The following ZNF385D variants were observed in gnomAD, a reference collection of about 807,000 sequenced individuals.
ZNF385D encodes the protein zinc finger protein 385D.
ZNF385D carries 15 observed loss-of-function variants against 35.8 expected under a neutral mutation model. That is an observed-to-expected ratio of 0.42 (90% CI 0.28 to 0.64). ZNF385D has a LOEUF of 0.64. Ranked by LOEUF, ZNF385D falls within the 30% of genes least tolerant of loss-of-function variation. The probability of loss-of-function intolerance (pLI) is 0.23; values close to 1 mark genes in which losing one functional copy is unlikely to be tolerated. For synonymous variants in ZNF385D, 212 were observed against 186.8 expected, an observed-to-expected ratio of 1.13 and a Z score of -1.10; for missense variants, 474 against 494.6, an observed-to-expected ratio of 0.96 and a Z score of 0.39.
At chr3:21,696,180 T>C (rs1188547486) in intron 1 of ZNF385D, among the ~76,000 whole-genome samples, 1 of 152,226 alleles carries the variant, frequency 6.6e-6, no homozygotes, top group African/African-American at 2.4e-5. Flanking sequence ...GACTGAGGAC[T>C]GATCAGTCAG....
At chr3:21,822,800 G>T (rs1460044900) in intron 3 of ZNF385D, among the ~76,000 whole-genome samples, 1 of 151,572 alleles carries the variant, frequency 6.6e-6, no homozygotes, top group Non-Finnish European at 1.5e-5. Flanking sequence ...CGAAAACAAT[G>T]TTGAGTGAAA....
intron 3 of ZNF385D, among the ~76,000 whole-genome samples, chr3:22,165,546 T>C (rs1706257270): frequency 6.6e-6 from 1 of 152,238 alleles, no homozygotes; most frequent in African/African-American, 2.4e-5. Context: ...TGATGGCAGT[T>C]GGCAGTATTT....
rs78345281 is a variant in ZNF385D at position 22,080,449 on chromosome 3, G to A, written c.325+88368C>T. Among the ~76,000 whole-genome samples, 360 of 152,098 alleles carry A rather than the reference G, an allele frequency of 2.4e-3. 1 individual carries two copies. The highest frequency in any genetic ancestry group is 8.4e-3 in the African/African-American group (349 of 41,508). On this transcript the variant is annotated intron_variant, in intron 3 of 5. Coordinates refer to the ZNF385D transcript ENST00000494108. ...TCTGTTTTCACCCCATATTTTGATG[G>A]AAACTCATAAGCTTTGAAGGAAACT... is the stretch of plus-strand genomic sequence containing the variant.
chr3:22,179,619 C>G (rs973472134), intron 2 of ZNF385D, among the ~76,000 whole-genome samples: 3 of 152,156 alleles, frequency 2.0e-5, no homozygotes, highest in Non-Finnish European at 4.4e-5. Context: ...ACTTCGAATA[C>G]TATGTTGAAC....
At chr3:21,635,499 T>A (rs2065401279) in intron 2 of ZNF385D, among the ~76,000 whole-genome samples, 1 of 152,076 alleles carries the variant, frequency 6.6e-6, no homozygotes, top group Admixed American at 6.6e-5. Flanking sequence ...TGGGACAGGA[T>A]TTCAGCTCAG....
intron 3 of ZNF385D, among the ~76,000 whole-genome samples, chr3:21,937,846 T>C (rs1008517787): frequency 6.6e-6 from 1 of 152,218 alleles, no homozygotes; most frequent in Non-Finnish European, 1.5e-5. Flanking sequence ...ACAATATGTA[T>C]GTAGCTTTAA....
At chr3:22,219,647 A>G (rs1698132848) in intron 2 of ZNF385D, among the ~76,000 whole-genome samples, 1 of 152,192 alleles carries the variant, frequency 6.6e-6, no homozygotes, top group African/African-American at 2.4e-5. Context: ...TCATAAAGGT[A>G]ACTGAGATAC....
intron 3 of ZNF385D, among the ~76,000 whole-genome samples, chr3:21,513,525 A>G (rs2125476508): frequency 6.6e-6 from 1 of 152,326 alleles, no homozygotes; most frequent in African/African-American, 2.4e-5. Flanking sequence ...AGCCTTTCCC[A>G]AATTAAAAAT....
chr3:21,809,203 C>T (rs1033811342), intron 3 of ZNF385D, among the ~76,000 whole-genome samples: 2 of 151,920 alleles, frequency 1.3e-5, no homozygotes, highest in African/African-American at 4.8e-5. Context: ...AATGCTCCAG[C>T]ATGCAATAAT....
intron 1 of ZNF385D, among the ~76,000 whole-genome samples, chr3:21,674,090 TG>T (rs1297769555): frequency 2.0e-5 from 3 of 152,134 alleles, no homozygotes; most frequent in African/African-American, 7.2e-5. Context: ...CGAACTTCTC[TG>T]TGCCAGTGGG....
intron 3 of ZNF385D, among the ~76,000 whole-genome samples, chr3:21,932,595 T>G (rs1336573184): frequency 6.6e-6 from 1 of 151,928 alleles, no homozygotes; most frequent in Non-Finnish European, 1.5e-5. Context: ...GACAAAAGCT[T>G]TAACAATCAA....
At chr3:21,938,230 A>C (rs1041121334) in intron 3 of ZNF385D, among the ~76,000 whole-genome samples, 2 of 152,240 alleles carry the variant, frequency 1.3e-5, no homozygotes, top group African/African-American at 4.8e-5. Flanking sequence ...TATAGTTAAC[A>C]GAAGCTTTCT....
intron 3 of ZNF385D, among the ~76,000 whole-genome samples, chr3:21,841,684 A>G (rs1695686134): frequency 6.6e-6 from 1 of 152,018 alleles, no homozygotes; most frequent in South Asian, 2.1e-4. Context: ...GTTATTAAAC[A>G]CAAGTATAAG....
chr3:21,928,291 A>AAGGAGGGAGGAAGGAAGGT (rs1222744390), intron 3 of ZNF385D, among the ~76,000 whole-genome samples: 2 of 139,638 alleles, frequency 1.4e-5, no homozygotes, highest in African/African-American at 2.6e-5. Context: ...GGAAGGAAGG[A>AAGGAGGGAGGAAGGAAGGT]AGGAGGGAGG....
intron 2 of ZNF385D, among the ~76,000 whole-genome samples, chr3:22,343,469 C>T (rs76147981): frequency 0.01 from 1,598 of 152,336 alleles, 27 homozygotes; most frequent in African/African-American, 0.036. Flanking sequence ...AACTATGCAA[C>T]AACTAATTCC....
intron 2 of ZNF385D, among the ~76,000 whole-genome samples, chr3:22,329,037 A>T (rs1223840433): frequency 1.4e-5 from 2 of 141,932 alleles, no homozygotes; most frequent in African/African-American, 2.6e-5. Flanking sequence ...AGATCGCGCC[A>T]CTGCACTCCA....
chr3:21,492,406 A>G (rs901146513), intron 4 of ZNF385D, among the ~76,000 whole-genome samples: 1 of 150,988 alleles, frequency 6.6e-6, no homozygotes, highest in Non-Finnish European at 1.5e-5. Context: ...AAACAAACAA[A>G]CAAGAAACAA....
Position 21,724,477 on chromosome 3 carries a change from C to CAAAAAA in ZNF385D, c.22+26412_22+26417dup, listed in dbSNP as rs200803155. ...AATATTTACCAAGCAAATGGAAAGC[C>CAAAAAA]AAAAAAAAAAAAAAAAAAAAAAAAA... On this transcript the variant is annotated intron_variant, in intron 1 of 7. Transcript: ENST00000281523. 6.2e-4 allele frequency among the ~76,000 whole-genome samples: 32 copies of CAAAAAA among 51,966 alleles called. 2 individuals are homozygous for CAAAAAA. Among genetic ancestry groups the CAAAAAA allele is most frequent in the African/African-American group, 1.3e-3 (8 of 6,318 alleles). 34.1% of individuals were successfully genotyped at this position (51,966 alleles called of 152,430 possible). A position where few individuals can be genotyped will look rare whatever the true frequency, so the allele number is the denominator to read the frequency against.
At chr3:21,889,161 C>T (rs1221282925) in intron 3 of ZNF385D, among the ~76,000 whole-genome samples, 1 of 152,178 alleles carries the variant, frequency 6.6e-6, no homozygotes, top group East Asian at 1.9e-4. Flanking sequence ...CTAGCTGAGG[C>T]TGCTTGTAGT....
Sources: allele counts gnomAD v4.1 joint callset (sites outside exome capture counted in the v4.1 genomes callset), GRCh38; gene constraint gnomAD v4.1.1; transcripts MANE v1.5; gene names NCBI Gene and HGNC (gene_info 2026-07-23, HGNC 2026-07-21).